DYM: variants seen among roughly 807,000 people sequenced by gnomAD.
The protein encoded by DYM is dymeclin.
In DYM, 78 loss-of-function variants were observed where a neutral mutation model predicts 93.1. That is an observed-to-expected ratio of 0.84 (90% CI 0.70 to 1.01). The LOEUF is 1.01. Ranked by LOEUF, DYM falls within the 50% of genes least tolerant of loss-of-function variation. The pLI is 0.00. For missense variants in DYM, 789 were observed against 845.0 expected (o/e 0.93, Z 0.82); for synonymous variants, 321 against 319.7 (o/e 1.00, Z -0.04).
At chr18:49,384,452 C>T (rs903486452) in intron 3 of DYM, among the ~76,000 whole-genome samples, 8 of 151,152 alleles carry the variant, frequency 5.3e-5, no homozygotes, top group Admixed American at 4.0e-4. Context: ...ATGGTGAAAC[C>T]CCATCTCTAC....
At chr18:49,136,735 G>A (rs1021966612) in intron 15 of DYM, among the ~76,000 whole-genome samples, 3 of 152,136 alleles carry the variant, frequency 2.0e-5, no homozygotes, top group African/African-American at 4.8e-5. Flanking sequence ...TTGAGGCAAA[G>A]AAAAGTTGAT....
At chr18:49,095,318 A>T (rs1599706941) in intron 17 of DYM, among the ~76,000 whole-genome samples, 1 of 152,358 alleles carries the variant, frequency 6.6e-6, no homozygotes, top group East Asian at 1.9e-4. Context: ...TTGTAAGGAT[A>T]AACAGCCTTT....
chr18:49,165,595 A>T (rs916244486), intron 14 of DYM, among the ~76,000 whole-genome samples: 3 of 152,184 alleles, frequency 2.0e-5, no homozygotes, highest in Admixed American at 6.6e-5. Context: ...TCAAGGAAAA[A>T]AATTCCTTAA....
At chr18:49,170,783 A>C (rs2088595049) in intron 14 of DYM, among the ~76,000 whole-genome samples, 1 of 82,490 alleles carries the variant, frequency 1.2e-5, no homozygotes, top group Non-Finnish European at 2.8e-5. Flanking sequence ...TCCGTCTCAA[A>C]AAAAAAAAAA....
At chr18:49,211,374 A>G (rs375745154) in intron 13 of DYM, among the ~76,000 whole-genome samples, 3 of 152,226 alleles carry the variant, frequency 2.0e-5, no homozygotes, top group African/African-American at 7.2e-5. Flanking sequence ...AGAGAAGAGA[A>G]TGTAAAATCA....
chr18:49,202,967 C>T (rs1160751376), intron 14 of DYM, among the ~76,000 whole-genome samples: 23 of 116,144 alleles, frequency 2.0e-4, no homozygotes, highest in African/African-American at 5.5e-4. Context: ...GGTCAGCCCC[C>T]CCGCCCGGCC....
intron 14 of DYM, among the ~76,000 whole-genome samples, chr18:49,178,364 A>G (rs1009126859): frequency 6.6e-6 from 1 of 151,992 alleles, no homozygotes; most frequent in Admixed American, 6.6e-5. Flanking sequence ...ACATCAGTAC[A>G]TGCTCAAATC....
rs1314613186 is a variant in DYM, at chr18:49,342,835, A to G, written c.495-8982T>C. Reference sequence around the variant, plus strand: ...TAGCCTAGGAGCAACAGGTTATACTATTCAGGGTAGGTGTGTAGCAGGCTA... The same window carrying G: ...TAGCCTAGGAGCAACAGGTTATACTGTTCAGGGTAGGTGTGTAGCAGGCTA... On this transcript the variant is annotated intron_variant, in intron 6 of 17. Coordinates refer to ENST00000675505, the MANE Select transcript of DYM (RefSeq NM_001353214.3). 2.0e-5 allele frequency among the ~76,000 whole-genome samples: 3 copies of G among 152,206 alleles called. No homozygotes were observed. The East Asian group carries it at 5.8e-4, about 29-fold the overall frequency.
intron 13 of DYM, among the ~76,000 whole-genome samples, chr18:49,235,013 A>T (rs191981368): frequency 2.0e-5 from 3 of 152,296 alleles, no homozygotes; most frequent in African/African-American, 7.2e-5. Context: ...AACAACCTTA[A>T]TGAGCCTAGT....
intron 8 of DYM, among the ~76,000 whole-genome samples, chr18:49,292,355 G>GACACACACACAC (rs57025579): frequency 0.012 from 989 of 84,646 alleles, 17 homozygotes; most frequent in East Asian, 0.028. Flanking sequence ...CAGACAGACA[G>GACACACACACAC]ACACACACAC....
At chr18:49,079,992 C>T (rs1017261603) in intron 17 of DYM, among the ~76,000 whole-genome samples, 4 of 149,632 alleles carry the variant, frequency 2.7e-5, no homozygotes, top group South Asian at 2.2e-4. Flanking sequence ...CGGGCAGAGG[C>T]GCCCCTCACC....
chr18:49,221,975 C>A, intron 13 of DYM, among the ~76,000 whole-genome samples: 1 of 105,340 alleles, frequency 9.5e-6, no homozygotes, highest in African/African-American at 3.2e-5. Flanking sequence ...GATAAAAGTA[C>A]TGTTATTTTA....
In DYM at chr18:49,340,972, A is replaced by G. The variant is rs146920185; in HGVS notation, c.495-7119T>C. ...AGGACACAGGAAATGGAAAATTGCCATATATACAGTCAACACTCATTATTC... is the reference window on the plus strand; with the variant it reads ...AGGACACAGGAAATGGAAAATTGCCGTATATACAGTCAACACTCATTATTC... On this transcript the variant is annotated intron_variant, in intron 6 of 17. Transcript: ENST00000675505. Among the ~76,000 whole-genome samples, 783 of 152,348 alleles carry G rather than the reference A, an allele frequency of 5.1e-3. 2 individuals carry two copies. The highest frequency in any genetic ancestry group is 0.015 in the South Asian group (73 of 4,826).
intron 15 of DYM, among the ~76,000 whole-genome samples, chr18:49,127,448 T>C (rs1003919011): frequency 1.3e-5 from 2 of 152,226 alleles, no homozygotes; most frequent in East Asian, 1.9e-4. Flanking sequence ...AGTTAAATAG[T>C]TTCAAATCTT....
chr18:49,210,739 G>A (rs560720678), intron 13 of DYM, among the ~76,000 whole-genome samples: 2 of 152,246 alleles, frequency 1.3e-5, no homozygotes, highest in South Asian at 2.1e-4. Context: ...TAACAAATAC[G>A]TCACTCTGGC....
chr18:49,054,229 A>G (rs2075278999), intron 17 of DYM, among the ~76,000 whole-genome samples: 1 of 152,208 alleles, frequency 6.6e-6, no homozygotes. Context: ...TAATTTTACA[A>G]TTAATGAAGA....
chr18:49,100,376 A>C (rs2080013822), intron 16 of DYM, among the ~76,000 whole-genome samples: 1 of 152,060 alleles, frequency 6.6e-6, no homozygotes. Context: ...AACAAAAGGG[A>C]GTGTACTTAT....
chr18:49,236,795 T>C (rs1309250316), intron 13 of DYM, among the ~76,000 whole-genome samples: 2 of 152,216 alleles, frequency 1.3e-5, no homozygotes, highest in African/African-American at 4.8e-5. Flanking sequence ...AGGTAGAGGA[T>C]GAAAACAACA....
At chr18:49,187,370 G>A (rs1207423875) in intron 14 of DYM, among the ~76,000 whole-genome samples, 1 of 152,118 alleles carries the variant, frequency 6.6e-6, no homozygotes, top group African/African-American at 2.4e-5. Context: ...TGACAGTAAG[G>A]ACAGTAATAA....
Sources: allele counts gnomAD v4.1 joint callset (sites outside exome capture counted in the v4.1 genomes callset), GRCh38; gene constraint gnomAD v4.1.1; transcripts MANE v1.5; gene names NCBI Gene and HGNC (gene_info 2026-07-23, HGNC 2026-07-21).